Variants in EPS15L1 observed in about 807,000 individuals in gnomAD.
EPS15L1 encodes the protein epidermal growth factor receptor pathway substrate 15 like 1.
A neutral mutation model predicts 117.1 loss-of-function variants in EPS15L1; 43 were observed. The observed-to-expected ratio is 0.37, with a 90% CI of 0.29 to 0.47. The LOEUF is 0.47. Among genes scored for constraint, EPS15L1 ranks in the 20% least tolerant of loss-of-function variants. EPS15L1 has a pLI of 0.99. For synonymous variants in EPS15L1, 459 were observed against 470.5 expected (o/e 0.98, Z 0.32); for missense variants, 981 against 1,164.0 (o/e 0.84, Z 2.29).
intron 15 of EPS15L1, 146 bp downstream of exon 15, chr19:16,403,587 C>T (rs772125412): frequency 2.5e-4 from 189 of 747,952 alleles, no homozygotes; most frequent in Non-Finnish European, 3.8e-4. Flanking sequence ...CTTGGCCCTG[C>T]GCCTCCAGGC....
chr19:16,436,992 G>A lies in EPS15L1; in HGVS notation c.317C>T (p.Thr106Ile). ...LSMPPPKFHD[T>I]SSPLMVTPPS... Reference sequence around the variant, plus strand: ...CGGTGTGACCATCAGAGGGCTGCTGGTGTCGTGCTGAGAAGAGAGAGAAAC... The same window carrying A: ...CGGTGTGACCATCAGAGGGCTGCTGATGTCGTGCTGAGAAGAGAGAGAAAC... Residue 106 changes from threonine to isoleucine, a missense_variant, in exon 6 of 24, where the codon ACC becomes ATC. Thr to Ile is a moderately conservative substitution (Grantham distance 89). Around this residue, in one of 5 missense-constraint regions of EPS15L1, gnomAD observed 52 missense variants for 53.1 expected, o/e 0.98. Coordinates refer to ENST00000455140, the MANE Select transcript of EPS15L1 (RefSeq NM_001258374.3). The A allele has an allele frequency of 1.2e-5, 19 of 1,614,040 alleles. No homozygotes were observed. Among genetic ancestry groups the A allele is most frequent in the Non-Finnish European group, 1.6e-5 (19 of 1,179,918 alleles).
chr19:16,442,566 A>C (rs2093043032), intron 1 of EPS15L1, among the ~76,000 whole-genome samples: 1 of 152,180 alleles, frequency 6.6e-6, no homozygotes, highest in Admixed American at 6.5e-5. Context: ...AGGACACTCT[A>C]TCCTCTGAGA....
At chr19:16,436,360 A>ATTCT (rs2092978094) in intron 6 of EPS15L1, among the ~76,000 whole-genome samples, 1 of 152,196 alleles carries the variant, frequency 6.6e-6, no homozygotes, top group South Asian at 2.1e-4. Flanking sequence ...TGTACTTAGA[A>ATTCT]GACAGCCCTC....
intron 8 of EPS15L1, among the ~76,000 whole-genome samples, chr19:16,427,157 G>A (rs2092880547): frequency 6.6e-6 from 1 of 152,180 alleles, no homozygotes; most frequent in African/African-American, 2.4e-5. Context: ...AAATTTGACT[G>A]AAGAGTTTTC....
At chr19:16,361,339 A>G (rs1448525956) in intron 23 of EPS15L1, among the ~76,000 whole-genome samples, 1 of 152,086 alleles carries the variant, frequency 6.6e-6, no homozygotes, top group Non-Finnish European at 1.5e-5. Flanking sequence ...CACAAAATGC[A>G]TGGGGCGGGA....
chr19:16,451,961 A>G, intron 1 of EPS15L1, among the ~76,000 whole-genome samples: 1 of 146,974 alleles, frequency 6.8e-6, no homozygotes, highest in Non-Finnish European at 1.5e-5. Context: ...ACATGGTGAA[A>G]CCCTGTCTCT....
chr19:16,439,842 C>T (rs746892169), intron 4 of EPS15L1, among the ~76,000 whole-genome samples: 9 of 151,930 alleles, frequency 5.9e-5, no homozygotes, highest in East Asian at 1.9e-4. Flanking sequence ...TGGCCATCTA[C>T]GACCACTTAA....
At chr19:16,458,672 CCACA>C (rs1337021655) in intron 1 of EPS15L1, among the ~76,000 whole-genome samples, 1 of 151,942 alleles carries the variant, frequency 6.6e-6, no homozygotes, top group African/African-American at 2.4e-5. Flanking sequence ...TGATTTCACT[CCACA>C]CACACACTCA....
At chr19:16,403,228 G>A (rs1034206466) in intron 15 of EPS15L1, among the ~76,000 whole-genome samples, 5 of 152,046 alleles carry the variant, frequency 3.3e-5, no homozygotes, top group Admixed American at 6.5e-5. Context: ...CGAGAAGCCA[G>A]CGCCCCCCCC....
chr19:16,437,156 T>A (rs114986409), intron 5 of EPS15L1, 157 bp from the exon 6 acceptor site: 662 of 621,640 alleles, frequency 1.1e-3, no homozygotes, highest in African/African-American at 9.6e-3. Context: ...GCAATTCCAC[T>A]CCTACGTATT....
At chr19:16,462,769 T>C (rs2093265894) in intron 1 of EPS15L1, among the ~76,000 whole-genome samples, 1 of 151,936 alleles carries the variant, frequency 6.6e-6, no homozygotes, top group Non-Finnish European at 1.5e-5. Flanking sequence ...ACAGGGCCTG[T>C]GCAAAGGGTG....
In EPS15L1 at chr19:16,365,974, C is replaced by T. The variant is rs1405970696; in HGVS notation, c.2381-3990G>A. On this transcript the variant is annotated intron_variant, in intron 22 of 23. Transcript: ENST00000455140. This position sits in a 1 kb window ranked among gnomAD's most constrained non-coding sequence, Gnocchi z 4.9. ...CCCTTTGGAGCAACACCCTGGGGAGCGAGAAGGGAATAAAGGCATCTGCCC... is the reference window on the plus strand; with the variant it reads ...CCCTTTGGAGCAACACCCTGGGGAGTGAGAAGGGAATAAAGGCATCTGCCC... Among the ~76,000 whole-genome samples, 1 of 152,130 alleles carries T rather than the reference C, an allele frequency of 6.6e-6. No individual in the cohort carries two copies. The highest frequency in any genetic ancestry group is 1.5e-5 in the Non-Finnish European group (1 of 68,020).
At chr19:16,470,109 C>T (rs924793263) in intron 1 of EPS15L1, among the ~76,000 whole-genome samples, 8 of 152,272 alleles carry the variant, frequency 5.3e-5, no homozygotes, top group Non-Finnish European at 7.4e-5. Context: ...TGGCCAGGCG[C>T]AGTGGCTAAC....
intron 1 of EPS15L1, among the ~76,000 whole-genome samples, chr19:16,448,822 T>A (rs2093111833): frequency 6.6e-6 from 1 of 150,658 alleles, no homozygotes; most frequent in Non-Finnish European, 1.5e-5. Context: ...AGAGCAAGAC[T>A]CCGTCTCAAA....
At chr19:16,417,857 AC>A in intron 11 of EPS15L1, 90 bp downstream of exon 11, 1 of 1,510,834 alleles carries the variant, frequency 6.6e-7, no homozygotes, top group East Asian at 2.3e-5. Context: ...AGCACCCGCC[AC>A]CGTGGGCTCA....
At chr19:16,385,755 C>A (rs1317235849) in intron 20 of EPS15L1, among the ~76,000 whole-genome samples, 2 of 119,570 alleles carry the variant, frequency 1.7e-5, no homozygotes, top group South Asian at 5.3e-4. Context: ...CATAAAGGCT[C>A]GAGCGTGCAT....
At chr19:16,464,946 GC>G (rs1289200729) in intron 1 of EPS15L1, among the ~76,000 whole-genome samples, 1 of 151,966 alleles carries the variant, frequency 6.6e-6, no homozygotes, top group Non-Finnish European at 1.5e-5. Context: ...AGGTGTGGTG[GC>G]GGGTGCCTGT....
intron 1 of EPS15L1, among the ~76,000 whole-genome samples, chr19:16,444,822 A>G (rs922593009): frequency 1.3e-5 from 2 of 150,582 alleles, no homozygotes; most frequent in African/African-American, 4.9e-5. Flanking sequence ...TGACTCCTGG[A>G]TTCAAGCCAT....
At chr19:16,463,056 T>C (rs1047594322) in intron 1 of EPS15L1, among the ~76,000 whole-genome samples, 11 of 152,176 alleles carry the variant, frequency 7.2e-5, no homozygotes, top group African/African-American at 2.4e-4. Context: ...CTCGGTTTTA[T>C]TTATCTTGGT....
Sources: allele counts gnomAD v4.1 joint callset (sites outside exome capture counted in the v4.1 genomes callset), GRCh38; gene constraint gnomAD v4.1.1; regional missense constraint gnomAD v4.1.1; non-coding constraint Gnocchi (gnomAD v3.1); transcripts MANE v1.5; gene names NCBI Gene and HGNC (gene_info 2026-07-23, HGNC 2026-07-21).